MYH10: variants seen among roughly 807,000 people sequenced by gnomAD.
MYH10 encodes the protein myosin heavy chain 10.
A neutral mutation model predicts 257.8 loss-of-function variants in MYH10; 55 were observed. The observed-to-expected ratio is 0.21, with a 90% CI of 0.17 to 0.27. The LOEUF is 0.27. Ranked by LOEUF, MYH10 falls within the 10% of genes least tolerant of loss-of-function variation. The pLI, the probability that MYH10 is intolerant of heterozygous loss-of-function variation, is 1.00. For missense variants in MYH10, 1,631 were observed against 2,500.6 expected, an observed-to-expected ratio of 0.65 and a Z score of 7.42; for synonymous variants, 854 against 921.7, an observed-to-expected ratio of 0.93 and a Z score of 1.33.
chr17:8,566,555 A>G (rs781681552), intron 7 of MYH10, among the ~76,000 whole-genome samples: 1 of 151,990 alleles, frequency 6.6e-6, no homozygotes, highest in Non-Finnish European at 1.5e-5. Flanking sequence ...ACCAAGAGCT[A>G]CCTGAGGAAG....
chr17:8,499,200 A>G, intron 30 of MYH10, 70 bp downstream of exon 30: 3 of 1,490,054 alleles, frequency 2.0e-6, no homozygotes, highest in Non-Finnish European at 2.7e-6. Flanking sequence ...CTTATTGCAC[A>G]GAGGGATACA....
intron 7 of MYH10, chr17:8,561,389 C>A: frequency 1.8e-6 from 2 of 1,090,166 alleles, no homozygotes; most frequent in African/African-American, 1.5e-5. Flanking sequence ...CAGGGGCATT[C>A]TGAAGCAAGT....
At chr17:8,628,113 T>C (rs1369865362) in intron 1 of MYH10, among the ~76,000 whole-genome samples, 1 of 152,180 alleles carries the variant, frequency 6.6e-6, no homozygotes, top group Non-Finnish European at 1.5e-5. Flanking sequence ...CAATGAATCA[T>C]CTGGCAAAGG....
At chr17:8,539,548 C>A (rs1372162134) in intron 14 of MYH10, among the ~76,000 whole-genome samples, 2 of 152,088 alleles carry the variant, frequency 1.3e-5, no homozygotes, top group African/African-American at 2.4e-5. Context: ...CCCCATGGCA[C>A]CCCCAATCTG....
chr17:8,475,736 A>G lies in MYH10; in HGVS notation c.*68T>C. ...ATCCCGTAGCTTGCCAATTTCCGAAATCTGCAGGAGGCCCCGGGTGCATTC... is the reference window on the plus strand; with the variant it reads ...ATCCCGTAGCTTGCCAATTTCCGAAGTCTGCAGGAGGCCCCGGGTGCATTC... On this transcript the variant is annotated 3_prime_UTR_variant, in exon 43 of 43. Transcript: ENST00000360416. 1 of 1,547,640 alleles carries G rather than the reference A, an allele frequency of 6.5e-7. No individual in the cohort carries two copies. Among genetic ancestry groups the G allele is most frequent in the East Asian group, 2.3e-5 (1 of 44,254 alleles).
chr17:8,534,381 TC>T (rs1264723266), intron 16 of MYH10, among the ~76,000 whole-genome samples: 3 of 151,880 alleles, frequency 2.0e-5, no homozygotes, highest in African/African-American at 4.8e-5. Context: ...GTTCAGTGCA[TC>T]CCCCCCTGCA....
At chr17:8,628,664 C>T (rs2085774789) in intron 1 of MYH10, among the ~76,000 whole-genome samples, 1 of 152,150 alleles carries the variant, frequency 6.6e-6, no homozygotes, top group South Asian at 2.1e-4. Context: ...ACACAAAAGG[C>T]CACTATTGCT....
At chr17:8,491,349 TTCTC>T (rs904586472) in intron 34 of MYH10, among the ~76,000 whole-genome samples, 5 of 152,124 alleles carry the variant, frequency 3.3e-5, no homozygotes, top group African/African-American at 1.2e-4. Flanking sequence ...AACTGTAGAG[TTCTC>T]TCTCCACATT....
At chr17:8,509,260 T>C (rs984630375) in intron 25 of MYH10, among the ~76,000 whole-genome samples, 42 of 152,222 alleles carry the variant, frequency 2.8e-4, no homozygotes, top group African/African-American at 9.7e-4. Flanking sequence ...GCTGTACAAG[T>C]GTGTGGCCTA....
intron 28 of MYH10, among the ~76,000 whole-genome samples, chr17:8,501,979 G>A (rs762235525): frequency 4.6e-5 from 7 of 152,168 alleles, no homozygotes; most frequent in South Asian, 2.1e-4. Flanking sequence ...GTTTAAGCAC[G>A]AGCTTGATGA....
intron 14 of MYH10, among the ~76,000 whole-genome samples, chr17:8,536,497 G>A (rs932125971): frequency 4.6e-5 from 7 of 152,146 alleles, no homozygotes; most frequent in Admixed American, 2.6e-4. Context: ...TGTTTTAACA[G>A]GCATTTGACA....
At chr17:8,563,187 A>G (rs1199214872) in intron 7 of MYH10, among the ~76,000 whole-genome samples, 2 of 152,228 alleles carry the variant, frequency 1.3e-5, no homozygotes, top group Non-Finnish European at 2.9e-5. Context: ...ATGAGCTAGC[A>G]CTTAATCCAA....
At chr17:8,602,450 C>T (rs546486441) in intron 3 of MYH10, among the ~76,000 whole-genome samples, 1 of 152,162 alleles carries the variant, frequency 6.6e-6, no homozygotes, top group African/African-American at 2.4e-5. Context: ...AATTGAAGAC[C>T]TAGATTGATT....
At chr17:8,489,827 C>G (rs1915499032) in intron 35 of MYH10, among the ~76,000 whole-genome samples, 1 of 151,960 alleles carries the variant, frequency 6.6e-6, no homozygotes, top group Admixed American at 6.6e-5. Flanking sequence ...AAGTTTTAGA[C>G]TAGAAATTTA....
intron 21 of MYH10, among the ~76,000 whole-genome samples, chr17:8,516,625 C>G (rs533351439): frequency 6.6e-6 from 1 of 152,328 alleles, no homozygotes; most frequent in South Asian, 2.1e-4. Flanking sequence ...AAAAGCTGCA[C>G]AAAGTATATC....
At chr17:8,571,110 C>T (rs1386740552) in intron 6 of MYH10, among the ~76,000 whole-genome samples, 1 of 152,064 alleles carries the variant, frequency 6.6e-6, no homozygotes, top group Non-Finnish European at 1.5e-5. Flanking sequence ...AGTTTCCTCC[C>T]TGTACAACAA....
At chr17:8,586,380 A>G (rs2083918646) in intron 4 of MYH10, among the ~76,000 whole-genome samples, 1 of 152,260 alleles carries the variant, frequency 6.6e-6, no homozygotes. Flanking sequence ...TCCTCCCAAC[A>G]TAAACAGTAT....
rs774432735 is a variant in MYH10, at chr17:8,476,969, G to A, written c.5786C>T (p.Ala1929Val). The A allele has an allele frequency of 1.2e-6, 2 of 1,614,152 alleles. No homozygotes were observed. The highest frequency in any genetic ancestry group is 1.3e-5 in the African/African-American group (1 of 75,072). The change falls in exon 42 of 43, where the codon GCA (alanine) becomes GTA (valine). Residue 1929 changes from alanine to valine, a missense_variant. Transcript: ENST00000360416. ...TTCCCGCTGGAGTTTACGCCGAGAT[G>A]CGTTGGCACGCGTCGCTTCTTCTTC... ...EAEEEATRANASRRKLQRELD... is the reference protein window; with the variant it reads ...EAEEEATRANVSRRKLQRELD...
At chr17:8,559,609 A>C (rs1188532108) in intron 7 of MYH10, among the ~76,000 whole-genome samples, 1 of 152,170 alleles carries the variant, frequency 6.6e-6, no homozygotes, top group East Asian at 1.9e-4. Flanking sequence ...ATACTCCATA[A>C]TGTATCTTAG....
Sources: gnomAD v4.1 joint callset for allele counts (sites outside exome capture counted in the v4.1 genomes callset) on GRCh38, gnomAD v4.1.1 for gene constraint, MANE v1.5 for transcripts, NCBI Gene and HGNC (gene_info 2026-07-23, HGNC 2026-07-21) for gene names.